Variants in DENND5A observed in about 807,000 individuals in gnomAD.
DENND5A encodes DENN domain containing 5A, also known as DENN domain-containing protein 5A.
DENND5A carries 64 observed loss-of-function variants against 140.3 expected under a neutral mutation model. The observed-to-expected ratio is 0.46, with a 90% CI of 0.37 to 0.56. DENND5A has a LOEUF of 0.56. Among genes scored for constraint, DENND5A ranks in the 20% least tolerant of loss-of-function variants. DENND5A has a pLI of 0.00. For missense variants in DENND5A, 1,292 were observed against 1,593.8 expected (o/e 0.81, Z 3.22); for synonymous variants, 605 against 607.7 (o/e 1.00, Z 0.07).
At chr11:9,195,467 AAATCAT>A (rs1429151364) in intron 4 of DENND5A, among the ~76,000 whole-genome samples, 1 of 152,216 alleles carries the variant, frequency 6.6e-6, no homozygotes, top group African/African-American at 2.4e-5. Flanking sequence ...ATGCATTTTT[AAATCAT>A]ATGAGTAAAA....
chr11:9,231,663 C>T (rs1274945727), intron 1 of DENND5A, among the ~76,000 whole-genome samples: 2 of 140,996 alleles, frequency 1.4e-5, no homozygotes, highest in Non-Finnish European at 3.0e-5. Context: ...TGCAGTGAGC[C>T]GAGATCGCGC....
intron 5 of DENND5A, among the ~76,000 whole-genome samples, chr11:9,187,151 C>G (rs1848942072): frequency 6.6e-6 from 1 of 152,218 alleles, no homozygotes; most frequent in Non-Finnish European, 1.5e-5. Context: ...TTACTACACT[C>G]ATACAATAGT....
chr11:9,229,572 C>T (rs1455787795), intron 1 of DENND5A, among the ~76,000 whole-genome samples: 3 of 151,942 alleles, frequency 2.0e-5, no homozygotes, highest in Non-Finnish European at 4.4e-5. Context: ...AAAAGTATTA[C>T]CTCCTACTCA....
At chr11:9,252,852 ATTTTT>A (rs576567620) in intron 1 of DENND5A, among the ~76,000 whole-genome samples, 3 of 144,080 alleles carry the variant, frequency 2.1e-5, no homozygotes, top group Admixed American at 7.0e-5. Flanking sequence ...CAGCAACAGG[ATTTTT>A]TTTTTTTTTT....
At chr11:9,216,721 G>A (rs898417043) in intron 1 of DENND5A, among the ~76,000 whole-genome samples, 1 of 152,116 alleles carries the variant, frequency 6.6e-6, no homozygotes, top group Non-Finnish European at 1.5e-5. Context: ...CCTGGACAAT[G>A]TAACGAGATC....
chr11:9,262,890 C>T (rs1276958748), intron 1 of DENND5A, among the ~76,000 whole-genome samples: 2 of 151,890 alleles, frequency 1.3e-5, no homozygotes, highest in Non-Finnish European at 2.9e-5. Flanking sequence ...TACAGGCGCC[C>T]GCCACCACGC....
rs777026968 is a variant in DENND5A, at chr11:9,144,322, T to A, written c.3123-44A>T. On this transcript the variant is annotated intron_variant, in intron 18 of 22. Coordinates refer to ENST00000328194, the MANE Select transcript of DENND5A (RefSeq NM_015213.4). Reference sequence around the variant, plus strand: ...ACTGTCAGAGCAGCCAGCTCCTCCCTGCTGCTCACAGGAAGAGCCATCAAC... The same window carrying A: ...ACTGTCAGAGCAGCCAGCTCCTCCCAGCTGCTCACAGGAAGAGCCATCAAC... 5.0e-6 allele frequency: 8 copies of A among 1,591,262 alleles called. No individual in the cohort carries two copies. In the African/African-American group the frequency reaches 1.1e-4, roughly 21 times the overall value.
chr11:9,161,789 C>A (rs746518176), intron 11 of DENND5A, among the ~76,000 whole-genome samples: 1 of 151,868 alleles, frequency 6.6e-6, no homozygotes, highest in Non-Finnish European at 1.5e-5. Context: ...TTTACCAATA[C>A]GGAAATTGAG....
At chr11:9,144,565 CG>C (rs1847357907) in intron 18 of DENND5A, among the ~76,000 whole-genome samples, 14 of 152,098 alleles carry the variant, frequency 9.2e-5, no homozygotes, top group Admixed American at 8.5e-4. Context: ...CCGAGGCGGC[CG>C]GATCACCTGC....
intron 1 of DENND5A, among the ~76,000 whole-genome samples, chr11:9,260,408 G>A (rs1267847763): frequency 6.6e-6 from 1 of 152,102 alleles, no homozygotes; most frequent in Non-Finnish European, 1.5e-5. Context: ...AGAAAAAGAA[G>A]ATTCACCAGG....
chr11:9,146,946 T>C, intron 16 of DENND5A, 84 bp downstream of exon 16: 1 of 1,482,542 alleles, frequency 6.7e-7, no homozygotes, highest in Non-Finnish European at 9.3e-7. Flanking sequence ...TCTTCTTTCT[T>C]TAAAAAGGGG....
At chr11:9,173,178 G>C (rs1848430614) in intron 8 of DENND5A, among the ~76,000 whole-genome samples, 1 of 151,624 alleles carries the variant, frequency 6.6e-6, no homozygotes, top group Admixed American at 6.6e-5. Flanking sequence ...CCTATACTCA[G>C]GGAAAATACC....
chr11:9,145,616 G>A, intron 17 of DENND5A, 54 bp downstream of exon 17: 1 of 1,602,336 alleles, frequency 6.2e-7, no homozygotes, highest in Admixed American at 1.7e-5. Context: ...ACTCCCCAAA[G>A]CGGCTGTTGC....
At chr11:9,209,877 G>A (rs1447506656) in intron 1 of DENND5A, among the ~76,000 whole-genome samples, 1 of 152,036 alleles carries the variant, frequency 6.6e-6, no homozygotes, top group Non-Finnish European at 1.5e-5. Context: ...AGGCTAAGGT[G>A]GGTGGATCAC....
chr11:9,194,258 C>T (rs766416613), intron 4 of DENND5A, among the ~76,000 whole-genome samples: 2 of 152,130 alleles, frequency 1.3e-5, no homozygotes, highest in Non-Finnish European at 1.5e-5. Context: ...GTTATTATAA[C>T]GTTTCAATAA....
intron 1 of DENND5A, among the ~76,000 whole-genome samples, chr11:9,240,955 C>T (rs1334505623): frequency 6.6e-6 from 1 of 152,088 alleles, no homozygotes; most frequent in Admixed American, 6.6e-5. Flanking sequence ...TTAAGCAGTC[C>T]AAAATTTGGA....
At position 9,193,541 on chromosome 11, in the gene DENND5A, G is replaced by T. The variant is rs757764077; in HGVS notation, c.1090C>A (p.His364Asn). ...DAPVPYLMGL[H>N]SNGLDDRSKL... ...GACCGGTCATCCAGGCCATTGGAAT[G>T]CAAACCCATCAGGTATGGAACAGGA... Residue 364 changes from histidine (H) to asparagine (N), a missense_variant, in exon 5 of 23, where the codon CAT becomes AAT. Transcript: ENST00000328194. 3 of 1,613,698 alleles carry T rather than the reference G, an allele frequency of 1.9e-6. No homozygotes were observed. The South Asian group carries it at 3.3e-5, about 18-fold the overall frequency.
chr11:9,169,977 A>T (rs753349638), intron 9 of DENND5A, 28 bp from the exon 10 acceptor site: 1 of 1,484,168 alleles, frequency 6.7e-7, no homozygotes. Context: ...AAAGCAGGCA[A>T]TTAATAATGT....
chr11:9,146,976 C>A (rs900917460), intron 16 of DENND5A, 54 bp downstream of exon 16: 6 of 1,589,794 alleles, frequency 3.8e-6, no homozygotes, highest in East Asian at 2.2e-5. Flanking sequence ...GAGTCTCAGG[C>A]AGGTTCATAA....
Sources: gnomAD v4.1 joint callset for allele counts (sites outside exome capture counted in the v4.1 genomes callset) on GRCh38, gnomAD v4.1.1 for gene constraint, MANE v1.5 for transcripts, NCBI Gene and HGNC (gene_info 2026-07-23, HGNC 2026-07-21) for gene names.